The following LMBRD1 variants were observed in gnomAD, a reference collection of about 807,000 sequenced individuals.
LMBRD1 encodes the protein lysosomal cobalamin transport escort protein LMBD1.
A neutral mutation model predicts 74.8 loss-of-function variants in LMBRD1; 64 were observed. That is an observed-to-expected ratio of 0.86 (90% confidence interval 0.70 to 1.05). The LOEUF (loss-of-function observed/expected upper bound fraction) is 1.05. LMBRD1 is among the 50% of genes least tolerant of loss of function. The pLI is 0.00. For missense variants in LMBRD1, 652 were observed against 645.9 expected (o/e 1.01, Z -0.10); for synonymous variants, 204 against 216.3 (o/e 0.94, Z 0.50).
chr6:69,748,884 C>G (rs1765053872), intron 5 of LMBRD1, among the ~76,000 whole-genome samples: 1 of 151,930 alleles, frequency 6.6e-6, no homozygotes. Flanking sequence ...GAATTTTCAT[C>G]AAAGTGTTAT....
chr6:69,732,910 TA>T (rs1766892068), intron 7 of LMBRD1, among the ~76,000 whole-genome samples: 1 of 152,272 alleles, frequency 6.6e-6, no homozygotes, highest in East Asian at 1.9e-4. Flanking sequence ...TTAAATTTAG[TA>T]AGTATCAATT....
rs3799114 is a variant in LMBRD1 at position 69,729,686 on chromosome 6, A to C, written c.636+8256T>G. ...TTAATTTAAAATATTTTATAAAATA[A>C]AAAAGTTTCTGGTAACAACTTGCGG... On this transcript the variant is annotated intron_variant, in intron 7 of 15. Transcript: ENST00000649934. Among the ~76,000 whole-genome samples, 496 of 152,158 alleles carry C rather than the reference A, an allele frequency of 3.3e-3. 9 individuals carry two copies. In the East Asian group the frequency reaches 0.037, roughly 11 times the overall value.
intron 3 of LMBRD1, among the ~76,000 whole-genome samples, chr6:69,779,882 C>T (rs1335758692): frequency 2.6e-5 from 4 of 152,112 alleles, no homozygotes; most frequent in African/African-American, 4.8e-5. Context: ...GAGAGGAAAA[C>T]GGTCCTTAGG....
At position 69,736,318 on chromosome 6, in the gene LMBRD1, T is replaced by A. The variant is rs571973784; in HGVS notation, c.636+1624A>T. ...GAGCAAAGGACAGGCATGCTTACCA[T>A]CCATTATAAAAGATTCAGCTTCCCT... On this transcript the variant is annotated intron_variant, in intron 7 of 15. Coordinates refer to ENST00000649934, the MANE Select transcript of LMBRD1 (RefSeq NM_018368.4). Among the ~76,000 whole-genome samples the A allele has an allele frequency of 2.6e-5, 4 of 152,072 alleles. No individual in the cohort carries two copies. The East Asian group carries it at 7.7e-4, about 29-fold the overall frequency.
At chr6:69,689,260 T>A (rs1765829827) in intron 14 of LMBRD1, among the ~76,000 whole-genome samples, 1 of 152,022 alleles carries the variant, frequency 6.6e-6, no homozygotes, top group African/African-American at 2.4e-5. Flanking sequence ...GAAAAGAAAG[T>A]TAAGATTCTG....
At chr6:69,771,811 G>A (rs1052196648) in intron 3 of LMBRD1, among the ~76,000 whole-genome samples, 1 of 152,032 alleles carries the variant, frequency 6.6e-6, no homozygotes, top group Non-Finnish European at 1.5e-5. Flanking sequence ...AACAAGGGTG[G>A]AAAAGACAGA....
intron 7 of LMBRD1, among the ~76,000 whole-genome samples, chr6:69,724,036 C>T (rs1766672703): frequency 6.6e-6 from 1 of 151,824 alleles, no homozygotes; most frequent in African/African-American, 2.4e-5. Context: ...TAATTATATG[C>T]CAACAAATTG....
intron 3 of LMBRD1, among the ~76,000 whole-genome samples, chr6:69,768,952 T>C (rs1026046720): frequency 1.3e-5 from 2 of 152,150 alleles, no homozygotes; most frequent in African/African-American, 4.8e-5. Context: ...TTTGGCTGCT[T>C]TTAAATTTTT....
chr6:69,709,605 T>C (rs1019549752), intron 9 of LMBRD1, among the ~76,000 whole-genome samples: 5 of 152,176 alleles, frequency 3.3e-5, no homozygotes, highest in African/African-American at 1.2e-4. Flanking sequence ...ACAAATCTTA[T>C]AAGGAAGAAG....
chr6:69,711,929 C>T (rs909070111), intron 9 of LMBRD1, among the ~76,000 whole-genome samples: 1 of 152,028 alleles, frequency 6.6e-6, no homozygotes, highest in Non-Finnish European at 1.5e-5. Context: ...ATTATTTCAT[C>T]ACCCAGGTAC....
At chr6:69,785,480 T>G (rs11967076) in intron 2 of LMBRD1, among the ~76,000 whole-genome samples, 18,219 of 152,196 alleles carry the variant, frequency 0.12, 3,044 homozygotes, top group African/African-American at 0.37. Flanking sequence ...GAACTATAAC[T>G]CTTTTCTCTA....
rs929495399 is a variant in LMBRD1, at chr6:69,694,089, C to T, written c.1417+3474G>A. On this transcript the variant is annotated intron_variant, in intron 14 of 15. Transcript: ENST00000649934. ...TAAATTAGACTGTAAAAGAAAAATA[C>T]TGAATCTGATTCATAAAAAAGTTAC... Among the ~76,000 whole-genome samples the T allele has an allele frequency of 9.2e-5, 14 of 152,128 alleles. No individual in the cohort carries two copies. In the East Asian group the frequency reaches 1.7e-3, roughly 19 times the overall value.
Position 69,674,463 on chromosome 6 carries a change from T to G in LMBRD1, c.*1695A>C, listed in dbSNP as rs1176268401. ...TACAGAAGAGATATGGAGATCTACC[T>G]GATTCTTTGTTTAGGCAATCAAGTG... is the stretch of plus-strand genomic sequence containing the variant. On this transcript the variant is annotated 3_prime_UTR_variant, in exon 16 of 16. Transcript: ENST00000649934. Among the ~76,000 whole-genome samples, 1 of 152,200 alleles carries G rather than the reference T, an allele frequency of 6.6e-6. No homozygotes were observed. The highest frequency in any genetic ancestry group is 1.5e-5 in the Non-Finnish European group (1 of 68,032).
At chr6:69,698,895 A>C in intron 13 of LMBRD1, 148 bp downstream of exon 13, 1 of 615,954 alleles carries the variant, frequency 1.6e-6, no homozygotes, top group Non-Finnish European at 2.8e-6. Context: ...TAAATATGCT[A>C]AAAATAGAAA....
At chr6:69,793,172 C>T (rs1766126953) in intron 1 of LMBRD1, among the ~76,000 whole-genome samples, 1 of 152,074 alleles carries the variant, frequency 6.6e-6, no homozygotes, top group South Asian at 2.1e-4. Context: ...ACTCTGTTAA[C>T]AATTATAAAG....
intron 2 of LMBRD1, among the ~76,000 whole-genome samples, chr6:69,788,118 C>T (rs1397589566): frequency 7.6e-6 from 1 of 131,422 alleles, no homozygotes; most frequent in Admixed American, 7.8e-5. Flanking sequence ...CATGAAAATA[C>T]TTTAGAAATT....
chr6:69,788,903 C>T (rs1258911421), intron 2 of LMBRD1, among the ~76,000 whole-genome samples: 2 of 152,140 alleles, frequency 1.3e-5, no homozygotes. Flanking sequence ...CACTTACAGG[C>T]TATGTTATTT....
intron 7 of LMBRD1, among the ~76,000 whole-genome samples, chr6:69,725,290 G>A (rs1766704750): frequency 6.6e-6 from 1 of 151,072 alleles, no homozygotes; most frequent in South Asian, 2.1e-4. Context: ...ACTACTCAAA[G>A]CAACCTACAG....
At chr6:69,684,178 C>T (rs901373762) in intron 14 of LMBRD1, among the ~76,000 whole-genome samples, 1 of 151,912 alleles carries the variant, frequency 6.6e-6, no homozygotes, top group Admixed American at 6.6e-5. Flanking sequence ...AAAATAAGGA[C>T]ACTTGAAAAG....
Sources: gnomAD v4.1 joint callset for allele counts (sites outside exome capture counted in the v4.1 genomes callset) on GRCh38, gnomAD v4.1.1 for gene constraint, MANE v1.5 for transcripts, NCBI Gene and HGNC (gene_info 2026-07-23, HGNC 2026-07-21) for gene names.